The following IGDCC4 variants were observed in gnomAD, a reference collection of about 807,000 sequenced individuals.
IGDCC4 encodes the protein immunoglobulin superfamily DCC subclass member 4.
Under a neutral mutation model 116.6 loss-of-function variants are expected in IGDCC4, and 72 were observed. The observed-to-expected ratio is 0.62, with a 90% CI of 0.51 to 0.75. The LOEUF is 0.75. Ranked by LOEUF, IGDCC4 falls within the 30% of genes least tolerant of loss-of-function variation. IGDCC4 has a pLI of 0.00. For missense variants in IGDCC4, 1,501 were observed against 1,662.4 expected (o/e 0.90, Z 1.69); for synonymous variants, 709 against 719.9 (o/e 0.98, Z 0.24).
chr15:65,385,537 A>G lies in IGDCC4; in HGVS notation c.3180+294T>C, dbSNP rs930998109. 3 of 555,204 alleles carry G rather than the reference A, an allele frequency of 5.4e-6. No individual in the cohort carries two copies. The African/African-American group carries it at 5.7e-5, about 11-fold the overall frequency. The allele number at this position is 555,204 out of a possible 1,614,324, so 34.4% of individuals were successfully genotyped here. ...CCCCACACGGGGATGTCTGGGTCTC[A>G]GAGGTCTCCCCAGCTCCAGGGATGA... On this transcript the variant is annotated intron_variant, in intron 18 of 19. Transcript: ENST00000352385.
chr15:65,402,578 A>C, intron 3 of IGDCC4, 91 bp from the exon 4 acceptor site: 1 of 1,474,270 alleles, frequency 6.8e-7, no homozygotes, highest in Non-Finnish European at 9.1e-7. Flanking sequence ...TTAAAACTCT[A>C]AGATACCAGG....
At chr15:65,398,120 T>C (rs1273694628) in intron 5 of IGDCC4, among the ~76,000 whole-genome samples, 1 of 152,210 alleles carries the variant, frequency 6.6e-6, no homozygotes, top group Non-Finnish European at 1.5e-5. Flanking sequence ...TAGAAAAACC[T>C]GAAAGAAGAT....
intron 10 of IGDCC4, 127 bp from the exon 11 acceptor site, chr15:65,392,497 C>A: frequency 1.4e-6 from 1 of 698,184 alleles, no homozygotes; most frequent in Admixed American, 3.0e-5. Context: ...CAGTGAGAGC[C>A]TTTTGCCAGC....
Position 65,396,430 on chromosome 15 carries a change from C to A in IGDCC4, c.998-267G>T, listed in dbSNP as rs950342989. 3.3e-5 allele frequency: 21 copies of A among 636,492 alleles called. 1 individual carries two copies. The highest frequency in any genetic ancestry group is 2.9e-4 in the African/African-American group (16 of 55,328). 39.4% of individuals were successfully genotyped at this position (636,492 alleles called of 1,614,324 possible). A position where few individuals can be genotyped will look rare whatever the true frequency, so the allele number is the denominator to read the frequency against. Reference sequence around the variant, plus strand: ...TCCTCAGCCTCCCCTAAATATTGCTCCTCCCGGATCTAACCCCACCCCTAA... The same window carrying A: ...TCCTCAGCCTCCCCTAAATATTGCTACTCCCGGATCTAACCCCACCCCTAA... On this transcript the variant is annotated intron_variant, in intron 6 of 19. Transcript: ENST00000352385.
intron 1 of IGDCC4, 68 bp downstream of exon 1, chr15:65,422,725 T>C: frequency 8.2e-7 from 1 of 1,223,460 alleles, no homozygotes. Context: ...CGCAGCCCGA[T>C]GCAGACCAGG....
At chr15:65,385,144 G>A (rs1389846409) in intron 18 of IGDCC4, 29 bp from the exon 19 acceptor site, 2 of 1,543,508 alleles carry the variant, frequency 1.3e-6, no homozygotes, top group Non-Finnish European at 1.7e-6. Flanking sequence ...GGGACAGTAA[G>A]GGGCACGACC....
At chr15:65,414,055 G>T (rs1368133834) in intron 1 of IGDCC4, among the ~76,000 whole-genome samples, 1 of 152,124 alleles carries the variant, frequency 6.6e-6, no homozygotes, top group Non-Finnish European at 1.5e-5. Flanking sequence ...AAACACATGC[G>T]CCTCAGTCTC....
chr15:65,404,984 A>G (rs1292851403), intron 3 of IGDCC4, among the ~76,000 whole-genome samples: 1 of 152,164 alleles, frequency 6.6e-6, no homozygotes, highest in African/African-American at 2.4e-5. Flanking sequence ...ACCGGGAGGT[A>G]GAGGCTGCAG....
At chr15:65,411,685 AC>A (rs1355460019) in intron 1 of IGDCC4, among the ~76,000 whole-genome samples, 2 of 152,262 alleles carry the variant, frequency 1.3e-5, no homozygotes, top group Non-Finnish European at 2.9e-5. Flanking sequence ...GATGCATGCT[AC>A]AAGGTAGCAA....
At chr15:65,385,715 G>T in intron 18 of IGDCC4, 116 bp downstream of exon 18, 2 of 869,696 alleles carry the variant, frequency 2.3e-6, no homozygotes, top group East Asian at 2.4e-5. Context: ...AGGCCCTAGC[G>T]TCCGCAGCCG....
At chr15:65,404,446 C>T (rs1009613470) in intron 3 of IGDCC4, among the ~76,000 whole-genome samples, 1 of 152,106 alleles carries the variant, frequency 6.6e-6, no homozygotes, top group Non-Finnish European at 1.5e-5. Flanking sequence ...GTAGGACCCA[C>T]CTAGAAAACA....
chr15:65,395,790 C>T lies in IGDCC4; in HGVS notation c.1371G>A (p.Glu457=), dbSNP rs1444465676. 4 of 1,475,510 alleles carry T rather than the reference C, an allele frequency of 2.7e-6. No homozygotes were observed. The highest frequency in any genetic ancestry group is 1.4e-5 in the African/African-American group (1 of 69,778). 91.4% of individuals were successfully genotyped at this position (1,475,510 alleles called of 1,614,324 possible). Reference sequence around the variant, plus strand: ...AGTGGAGAGAGAAGCCGATGATCTGCTCGCTGTGCATCTCGGGCCGCTCCC... The same window carrying T: ...AGTGGAGAGAGAAGCCGATGATCTGTTCGCTGTGCATCTCGGGCCGCTCCC... ...VAWERPEMHS[E]QIIGFSLHYQ... Residue 457 remains glutamate (E), a synonymous_variant, in exon 7 of 20, where the codon GAG becomes GAA. Coordinates refer to ENST00000352385, the MANE Select transcript of IGDCC4 (RefSeq NM_020962.3).
Position 65,410,285 on chromosome 15 carries a change from C to T in IGDCC4, c.456G>A (p.Gln152=). 6.2e-7 allele frequency: 1 copy of T among 1,614,094 alleles called. No individual in the cohort carries two copies. Among genetic ancestry groups the T allele is most frequent in the Non-Finnish European group, 8.5e-7 (1 of 1,180,042 alleles). Residue 152 remains glutamine (Q), a synonymous_variant, in exon 3 of 20, where the codon CAG becomes CAA. Coordinates refer to ENST00000352385, the MANE Select transcript of IGDCC4 (RefSeq NM_020962.3). ...LADFSLHPES[Q]TVEENGTARF... ...GAGCTGTCCCGTTCTCCTCCACCGTCTGAGACTCCGGGTGCAGAGAGAAGT... is the reference window on the plus strand; with the variant it reads ...GAGCTGTCCCGTTCTCCTCCACCGTTTGAGACTCCGGGTGCAGAGAGAAGT...
intron 1 of IGDCC4, among the ~76,000 whole-genome samples, chr15:65,412,697 C>A (rs571214125): frequency 6.6e-6 from 1 of 151,858 alleles, no homozygotes; most frequent in African/African-American, 2.4e-5. Flanking sequence ...AGGTTGAGGG[C>A]CAAGACAGCA....
chr15:65,389,852 T>A lies in IGDCC4; in HGVS notation c.2408+303A>T, dbSNP rs534355634. Among the ~76,000 whole-genome samples, 3 of 152,202 alleles carry A rather than the reference T, an allele frequency of 2.0e-5. No homozygotes were observed. The South Asian group carries it at 6.2e-4, about 32-fold the overall frequency. Reference sequence around the variant, plus strand: ...GACAGGGGTGGGGTTCTCTTCACCATCAGACTGGGAGCCCTCTGAGGTTGG... The same window carrying A: ...GACAGGGGTGGGGTTCTCTTCACCAACAGACTGGGAGCCCTCTGAGGTTGG... On this transcript the variant is annotated intron_variant, in intron 13 of 19. Coordinates refer to ENST00000352385, the MANE Select transcript of IGDCC4 (RefSeq NM_020962.3).
chr15:65,396,330 C>A (rs1449838462), intron 6 of IGDCC4, 167 bp from the exon 7 acceptor site: 2 of 783,186 alleles, frequency 2.6e-6, no homozygotes, highest in Non-Finnish European at 4.3e-6. Flanking sequence ...CAGCGCAGAC[C>A]TACCCTTTCT....
intron 1 of IGDCC4, among the ~76,000 whole-genome samples, chr15:65,421,568 A>G (rs1595799043): frequency 6.6e-6 from 1 of 152,064 alleles, no homozygotes; most frequent in African/African-American, 2.4e-5. Flanking sequence ...TTTCCTGGAG[A>G]TGGGCCTGGG....
At chr15:65,396,259 T>G in intron 6 of IGDCC4, 96 bp from the exon 7 acceptor site, 5 of 1,001,702 alleles carry the variant, frequency 5.0e-6, no homozygotes, top group Non-Finnish European at 6.3e-6. Flanking sequence ...CCGCCCTCCC[T>G]CGCTCCCCTT....
intron 1 of IGDCC4, among the ~76,000 whole-genome samples, chr15:65,412,511 C>CA (rs3082805): frequency 0.035 from 579 of 16,704 alleles, 223 homozygotes; most frequent in African/African-American, 0.071. Context: ...GATTCCATCT[C>CA]AAAAAAAAAA....
Sources: gnomAD v4.1 joint callset for allele counts (sites outside exome capture counted in the v4.1 genomes callset) on GRCh38, gnomAD v4.1.1 for gene constraint, MANE v1.5 for transcripts, NCBI Gene and HGNC (gene_info 2026-07-23, HGNC 2026-07-21) for gene names.